TICAM1: variants seen among roughly 807,000 people sequenced by gnomAD.
TICAM1 encodes TIR domain containing adaptor molecule 1.
For missense variants in TICAM1, 895 were observed against 938.2 expected, an observed-to-expected ratio of 0.95 and a Z score of 0.60; for synonymous variants, 439 against 415.4, an observed-to-expected ratio of 1.06 and a Z score of -0.69.
chr19:4,821,897 G>A (rs2093598152), intron 1 of TICAM1, among the ~76,000 whole-genome samples: 1 of 150,192 alleles, frequency 6.7e-6, no homozygotes, highest in Non-Finnish European at 1.5e-5. Context: ...GCCTGTCTCG[G>A]CCTCCCAAAG....
Position 4,818,441 on chromosome 19 carries a change from GC to G in TICAM1, c.-65del, listed in dbSNP as rs369362037. The stretch of plus-strand genomic sequence containing the variant: ...AGGTGGTGAAGGCATGTTCCACACT[GC>G]CCCCCGCCTTCTGCACGCCCAGTGT... On this transcript the variant is annotated 5_prime_UTR_variant, in exon 2 of 2. Coordinates refer to ENST00000248244, the MANE Select transcript of TICAM1 (RefSeq NM_182919.4). The surrounding 1 kb of genome is among the most constrained non-coding windows in gnomAD (Gnocchi z 4.0). 7 of 1,501,138 alleles carry G rather than the reference GC, an allele frequency of 4.7e-6. No homozygotes were observed. In the African/African-American group the frequency reaches 9.8e-5, roughly 21 times the overall value. The allele number at this position is 1,501,138 out of a possible 1,614,324, so 93.0% of individuals were successfully genotyped here. A position where few individuals can be genotyped will look rare whatever the true frequency, so the allele number is the denominator to read the frequency against.
chr19:4,825,017 C>T (rs972160377), intron 1 of TICAM1, among the ~76,000 whole-genome samples: 4 of 151,936 alleles, frequency 2.6e-5, no homozygotes, highest in South Asian at 2.1e-4. Context: ...CGGTGGCTCA[C>T]GCCTGTAATC....
intron 1 of TICAM1, among the ~76,000 whole-genome samples, chr19:4,829,126 C>T (rs1461545812): frequency 2.6e-5 from 4 of 152,166 alleles, no homozygotes; most frequent in South Asian, 2.1e-4. Flanking sequence ...TGAGCCACTG[C>T]GCCCGGCCTG....
At chr19:4,827,312 G>GGGAGGCGGAGGTTGCA (rs2093606906) in intron 1 of TICAM1, among the ~76,000 whole-genome samples, 1 of 142,002 alleles carries the variant, frequency 7.0e-6, no homozygotes, top group Admixed American at 7.3e-5. Flanking sequence ...CGGAGGTTGC[G>GGGAGGCGGAGGTTGCA]GTGAGCTGAG....
rs11466720 is a variant in TICAM1, at chr19:4,818,072, C to T, written c.306G>A (p.Leu102=). 335 of 1,607,704 alleles carry T rather than the reference C, an allele frequency of 2.1e-4. 2 individuals carry two copies. In the African/African-American group the frequency reaches 3.7e-3, roughly 18 times the overall value. ...CGGGGCACAGCTTCTCCTCAGCCAG[C>T]AGGTGGTACAAGCGGGCCACAGCCC... is the stretch of plus-strand genomic sequence containing the variant. ...VSWAVARLYH[L]LAEEKLCPAS... Residue 102 remains leucine (L), a synonymous_variant, in exon 2 of 2, where the codon CTG becomes CTA. Transcript: ENST00000248244. The surrounding 1 kb of genome is among the most constrained non-coding windows in gnomAD (Gnocchi z 4.0).
chr19:4,824,329 A>G (rs1265714534), intron 1 of TICAM1, among the ~76,000 whole-genome samples: 2 of 107,408 alleles, frequency 1.9e-5, no homozygotes, highest in Non-Finnish European at 3.7e-5. Flanking sequence ...CTTTTATCCA[A>G]TTTTTTTTTT....
chr19:4,827,474 G>C (rs1311288281), intron 1 of TICAM1, among the ~76,000 whole-genome samples: 1 of 144,106 alleles, frequency 6.9e-6, no homozygotes, highest in Non-Finnish European at 1.5e-5. Context: ...AATGAAAATG[G>C]GCTGGGCGCG....
chr19:4,830,231 G>A (rs1231858664), intron 1 of TICAM1, among the ~76,000 whole-genome samples: 2 of 151,922 alleles, frequency 1.3e-5, no homozygotes, highest in African/African-American at 4.8e-5. Flanking sequence ...GGGACTACAG[G>A]TGTGCGGCAC....
At position 4,816,180 on chromosome 19, in the gene TICAM1, G is replaced by A; in HGVS notation, c.*59C>T. 3 of 1,464,090 alleles carry A rather than the reference G, an allele frequency of 2.0e-6. No individual in the cohort carries two copies. In the South Asian group the frequency reaches 4.5e-5, roughly 22 times the overall value. 90.7% of individuals were successfully genotyped at this position (1,464,090 alleles called of 1,614,324 possible). On this transcript the variant is annotated 3_prime_UTR_variant, in exon 2 of 2. Coordinates refer to ENST00000248244, the MANE Select transcript of TICAM1 (RefSeq NM_182919.4). This position sits in a 1 kb window ranked among gnomAD's most constrained non-coding sequence, Gnocchi z 4.3. ...AGGGCAGACCGGGGTGCTCTATGGG[G>A]TCCTGGCCGATGCCTGGGTCCAGGG...
chr19:4,820,133 AG>A (rs2093594723), intron 1 of TICAM1, among the ~76,000 whole-genome samples: 2 of 152,104 alleles, frequency 1.3e-5, no homozygotes, highest in South Asian at 4.2e-4. Flanking sequence ...TTTAAAAAAA[AG>A]TTTGGGCCAG....
chr19:4,825,232 A>G (rs2093603765), intron 1 of TICAM1, among the ~76,000 whole-genome samples: 1 of 151,938 alleles, frequency 6.6e-6, no homozygotes, highest in South Asian at 2.1e-4. Context: ...GTGAACTGAA[A>G]TGGCGCCACT....
intron 1 of TICAM1, among the ~76,000 whole-genome samples, chr19:4,819,328 TA>T (rs2093593407): frequency 6.7e-6 from 1 of 150,100 alleles, no homozygotes; most frequent in Admixed American, 6.6e-5. Context: ...ACCTGAGAGG[TA>T]AACACTATTA....
chr19:4,818,278 G>A lies in TICAM1; in HGVS notation c.100C>T (p.Arg34Cys), dbSNP rs780201394. The change falls in exon 2 of 2, where the codon CGC becomes TGC. Residue 34 changes from arginine (R) to cysteine (C), a missense_variant. Coordinates refer to ENST00000248244, the MANE Select transcript of TICAM1 (RefSeq NM_182919.4). The surrounding 1 kb of genome is among the most constrained non-coding windows in gnomAD (Gnocchi z 4.0). ...AGGTCCTGCCCCTGGCAGCCTGGGC[G>A]TGGGGTCTTCAGTTTGTGCTTCAGA... is the stretch of plus-strand genomic sequence containing the variant. ...LYLKHKLKTP[R>C]PGCQGQDLLH... 1.9e-5 allele frequency: 30 copies of A among 1,612,794 alleles called. No homozygotes were observed. In the East Asian group the frequency reaches 4.2e-4, roughly 23 times the overall value.
rs1356657375 is a variant in TICAM1, at chr19:4,817,806, C to A, written c.572G>T (p.Gly191Val). ...GCTGCCAGTGGATCGCAGGGAGCAC[C>A]CTTGGCTCCAGTCCGAAACACCGTC... ...PIDGVSDWSQ[G>V]CSLRSTGSPA... is the part of the protein sequence containing the mutation. Residue 191 changes from glycine (G) to valine (V), a missense_variant, in exon 2 of 2, where the codon GGG becomes GTG. By Grantham distance (109) the Gly-to-Val change is moderately radical. Coordinates refer to ENST00000248244, the MANE Select transcript of TICAM1 (RefSeq NM_182919.4). This position sits in a 1 kb window ranked among gnomAD's most constrained non-coding sequence, Gnocchi z 4.7. 4 of 1,600,422 alleles carry A rather than the reference C, an allele frequency of 2.5e-6. No homozygotes were observed. The highest frequency in any genetic ancestry group is 3.4e-6 in the Non-Finnish European group (4 of 1,175,326).
intron 1 of TICAM1, among the ~76,000 whole-genome samples, chr19:4,827,383 AAAAAAAAAAAAAAAAAAAAAG>A (rs1466660880): frequency 7.5e-6 from 1 of 133,584 alleles, no homozygotes; most frequent in Non-Finnish European, 1.5e-5. Context: ...AAAAAAAAAA[AAAAAAAAAAAAAAAAAAAAAG>A]AAAAAGGCCA....
chr19:4,822,968 C>A (rs2093600070), intron 1 of TICAM1, among the ~76,000 whole-genome samples: 1 of 152,018 alleles, frequency 6.6e-6, no homozygotes, highest in Non-Finnish European at 1.5e-5. Context: ...GAGAAAAGGC[C>A]TTTTTTTGGT....
intron 1 of TICAM1, among the ~76,000 whole-genome samples, chr19:4,827,372 C>CAAAAAAAAAAAAAAAAAAAAAAAA (rs57574607): frequency 1.8e-5 from 1 of 54,148 alleles, no homozygotes; most frequent in Non-Finnish European, 3.3e-5. Flanking sequence ...ACTCTGTCTC[C>CAAAAAAAAAAAAAAAAAAAAAAAA]AAAAAAAAAA....
In TICAM1 at chr19:4,818,059, T is replaced by G; in HGVS notation, c.319A>C (p.Lys107Gln). The change falls in exon 2 of 2, where the codon AAG (lysine) becomes CAG (glutamine). Residue 107 changes from lysine to glutamine, a missense_variant. Lys to Gln is a moderately conservative substitution (Grantham distance 53, BLOSUM62 1). Transcript: ENST00000248244. This position sits in a 1 kb window ranked among gnomAD's most constrained non-coding sequence, Gnocchi z 4.0. The stretch of plus-strand genomic sequence containing the variant: ...TCCCGCAGCGAGGCGGGGCACAGCT[T>G]CTCCTCAGCCAGCAGGTGGTACAAG... ...ARLYHLLAEEKLCPASLRDVA... is the reference protein window; with the variant it reads ...ARLYHLLAEEQLCPASLRDVA... 6.2e-7 allele frequency: 1 copy of G among 1,607,930 alleles called. No homozygotes were observed. The highest frequency in any genetic ancestry group is 8.5e-7 in the Non-Finnish European group (1 of 1,179,854).
Position 4,816,687 on chromosome 19 carries a change from G to A in TICAM1, c.1691C>T (p.Ala564Val). Residue 564 changes from alanine (A) to valine (V), a missense_variant, in exon 2 of 2, where the codon GCG (alanine) becomes GTG (valine). Transcript: ENST00000248244. The surrounding 1 kb of genome is among the most constrained non-coding windows in gnomAD (Gnocchi z 4.3). ...GGCTGAGTAGGCTGCGTTCAGTGCC[G>A]CCGCCTGCATCCGCTCACCGTCCAG... ...QHLDGERMQAAALNAAYSAYL... is the reference protein window; with the variant it reads ...QHLDGERMQAVALNAAYSAYL... 1.9e-6 allele frequency: 3 copies of A among 1,614,070 alleles called. No homozygotes were observed. The highest frequency in any genetic ancestry group is 2.5e-6 in the Non-Finnish European group (3 of 1,180,034).
Sources: gnomAD v4.1 joint callset for allele counts (sites outside exome capture counted in the v4.1 genomes callset) on GRCh38, gnomAD v4.1.1 for gene constraint, Gnocchi (gnomAD v3.1) non-coding constraint, MANE v1.5 for transcripts, NCBI Gene and HGNC (gene_info 2026-07-23, HGNC 2026-07-21) for gene names.